The following USH2A variants were observed in gnomAD, a reference collection of about 807,000 sequenced individuals.
USH2A encodes the protein usherin.
USH2A carries 443 observed loss-of-function variants against 538.9 expected under a neutral mutation model. That is an observed-to-expected ratio of 0.82 (90% CI 0.76 to 0.89). USH2A has a LOEUF of 0.89. Ranked by LOEUF, USH2A falls within the 40% of genes least tolerant of loss-of-function variation. The probability of loss-of-function intolerance (pLI) is 0.00; values close to 1 mark genes in which losing one functional copy is unlikely to be tolerated. For synonymous variants in USH2A, 2,413 were observed against 2,273.5 expected, an observed-to-expected ratio of 1.06 and a Z score of -1.75; for missense variants, 6,633 against 6,324.8, an observed-to-expected ratio of 1.05 and a Z score of -1.65.
At chr1:216,077,654 TTAAA>T (rs1292354635) in intron 27 of USH2A, among the ~76,000 whole-genome samples, 2 of 146,612 alleles carry the variant, frequency 1.4e-5, no homozygotes, top group East Asian at 4.0e-4. Flanking sequence ...CATTACATAT[TTAAA>T]TAAATATATA....
intron 32 of USH2A, among the ~76,000 whole-genome samples, chr1:216,002,142 C>T (rs141534934): frequency 5.3e-5 from 8 of 152,190 alleles, no homozygotes; most frequent in African/African-American, 1.7e-4. Flanking sequence ...TTTGGACCAA[C>T]GTTCTAGGAA....
At chr1:215,749,563 A>T (rs1458207675) in intron 58 of USH2A, among the ~76,000 whole-genome samples, 2 of 152,104 alleles carry the variant, frequency 1.3e-5, no homozygotes, top group African/African-American at 2.4e-5. Flanking sequence ...CAAACCCTAT[A>T]CCATCTGCAA....
chr1:216,275,481 T>G (rs143299919), intron 11 of USH2A, among the ~76,000 whole-genome samples: 1,999 of 152,224 alleles, frequency 0.013, 25 homozygotes, highest in Middle Eastern at 0.078. Flanking sequence ...ATCTGTTTTA[T>G]TTTAGTACAA....
chr1:215,666,376 A>G (rs542670234), intron 64 of USH2A, among the ~76,000 whole-genome samples: 53 of 152,370 alleles, frequency 3.5e-4, no homozygotes, highest in South Asian at 1.2e-3. Flanking sequence ...CATCAAAACA[A>G]TAGGACCCTT....
intron 49 of USH2A, among the ~76,000 whole-genome samples, chr1:215,802,965 C>T (rs560925317): frequency 2.2e-4 from 34 of 152,026 alleles, no homozygotes; most frequent in African/African-American, 7.5e-4. Context: ...CGTACGACAA[C>T]ATGAATGGGA....
At chr1:216,370,986 A>G (rs2038703474) in intron 3 of USH2A, among the ~76,000 whole-genome samples, 1 of 152,178 alleles carries the variant, frequency 6.6e-6, no homozygotes, top group Admixed American at 6.5e-5. Context: ...CTGCCTTCCC[A>G]GATCGCTGCT....
chr1:216,281,177 T>C (rs985072303), intron 11 of USH2A, among the ~76,000 whole-genome samples: 4 of 152,146 alleles, frequency 2.6e-5, no homozygotes, highest in African/African-American at 9.7e-5. Context: ...TAAGATAATA[T>C]ATGAATGTGA....
intron 64 of USH2A, among the ~76,000 whole-genome samples, chr1:215,656,251 G>A (rs1657248678): frequency 6.6e-6 from 1 of 152,158 alleles, no homozygotes; most frequent in South Asian, 2.1e-4. Context: ...TTGTCTTACA[G>A]CAAAGCTAAG....
At chr1:216,125,464 G>A (rs1001037962) in intron 21 of USH2A, among the ~76,000 whole-genome samples, 13 of 152,240 alleles carry the variant, frequency 8.5e-5, no homozygotes, top group African/African-American at 3.1e-4. Context: ...AAGAAAATTA[G>A]GGAAACTCTA....
At chr1:216,395,623 G>A (rs1463191286) in intron 3 of USH2A, among the ~76,000 whole-genome samples, 1 of 152,108 alleles carries the variant, frequency 6.6e-6, no homozygotes, top group Non-Finnish European at 1.5e-5. Context: ...AAATGACATC[G>A]CCAAGGATGA....
chr1:215,739,957 A>G (rs2102724172), intron 60 of USH2A, among the ~76,000 whole-genome samples: 1 of 152,292 alleles, frequency 6.6e-6, no homozygotes, highest in Admixed American at 6.5e-5. Context: ...GGGTATGAGG[A>G]TCTGAGAAGA....
chr1:215,677,335 G>A (rs998904471), intron 62 of USH2A, among the ~76,000 whole-genome samples: 1 of 151,970 alleles, frequency 6.6e-6, no homozygotes, highest in African/African-American at 2.4e-5. Context: ...CCCTCTACTG[G>A]TTATTTCTAT....
intron 4 of USH2A, among the ~76,000 whole-genome samples, chr1:216,336,116 CG>C: frequency 6.6e-6 from 1 of 151,186 alleles, no homozygotes; most frequent in East Asian, 1.9e-4. Context: ...GTTCAATGTA[CG>C]AAAAGTAATC....
intron 47 of USH2A, among the ~76,000 whole-genome samples, chr1:215,833,468 T>G (rs2102811381): frequency 6.6e-6 from 1 of 152,102 alleles, no homozygotes; most frequent in East Asian, 1.9e-4. Flanking sequence ...TCCAAAAATT[T>G]TGTTGATACT....
intron 43 of USH2A, among the ~76,000 whole-genome samples, chr1:215,870,318 C>T (rs556316456): frequency 1.4e-4 from 21 of 149,870 alleles, no homozygotes; most frequent in South Asian, 2.1e-4. Flanking sequence ...TTTTTTGAGA[C>T]GGAGTCTCGC....
chr1:216,375,399 A>G (rs1571755403), intron 3 of USH2A, among the ~76,000 whole-genome samples: 1 of 152,246 alleles, frequency 6.6e-6, no homozygotes, highest in South Asian at 2.1e-4. Context: ...TGCTCTTTCA[A>G]CCTTGCACTT....
intron 58 of USH2A, among the ~76,000 whole-genome samples, chr1:215,756,091 G>C (rs1490825294): frequency 6.6e-6 from 1 of 152,010 alleles, no homozygotes; most frequent in Admixed American, 6.6e-5. Context: ...GGTATCTATA[G>C]AATATTATAT....
intron 61 of USH2A, among the ~76,000 whole-genome samples, chr1:215,683,628 C>T (rs1025993296): frequency 6.6e-6 from 1 of 152,194 alleles, no homozygotes; most frequent in African/African-American, 2.4e-5. Context: ...ATGTAGCGTT[C>T]TGTCTTACTA....
chr1:216,329,134 A>G (rs1364251379), intron 4 of USH2A, among the ~76,000 whole-genome samples: 2 of 152,202 alleles, frequency 1.3e-5, no homozygotes, highest in Non-Finnish European at 2.9e-5. Context: ...AGTGCAAAGA[A>G]TTATTCCTCC....
Sources: allele counts gnomAD v4.1 joint callset (sites outside exome capture counted in the v4.1 genomes callset), GRCh38; gene constraint gnomAD v4.1.1; transcripts MANE v1.5; gene names NCBI Gene and HGNC (gene_info 2026-07-23, HGNC 2026-07-21).